SPATA17: variants seen among roughly 807,000 people sequenced by gnomAD.
SPATA17 encodes spermatogenesis associated 17, also known as spermatogenesis-associated protein 17.
A neutral mutation model predicts 62.2 loss-of-function variants in SPATA17; 53 were observed. The ratio of observed to expected loss-of-function variants is 0.85; its 90% CI spans 0.68 to 1.07. The LOEUF is 1.07. Ranked by LOEUF, SPATA17 falls within the 50% of genes least tolerant of loss-of-function variation. The probability of loss-of-function intolerance (pLI) is 0.00; values close to 1 mark genes in which losing one functional copy is unlikely to be tolerated. For missense variants in SPATA17, 466 were observed against 425.5 expected (o/e 1.10, Z -0.84); for synonymous variants, 146 against 146.8 (o/e 0.99, Z 0.04).
intron 3 of SPATA17, among the ~76,000 whole-genome samples, chr1:217,653,057 G>T (rs1278467194): frequency 6.6e-6 from 1 of 152,198 alleles, no homozygotes; most frequent in East Asian, 1.9e-4. Context: ...AGAGTAATAT[G>T]AGTGAGTGAT....
At chr1:217,689,942 C>T (rs1366717040) in intron 5 of SPATA17, among the ~76,000 whole-genome samples, 4 of 148,266 alleles carry the variant, frequency 2.7e-5, no homozygotes, top group African/African-American at 7.5e-5. Context: ...TTGCTCTTTT[C>T]GCCCAGGCTG....
chr1:217,859,551 G>A (rs1487502561), intron 9 of SPATA17, among the ~76,000 whole-genome samples: 3 of 151,952 alleles, frequency 2.0e-5, no homozygotes, highest in Admixed American at 2.0e-4. Flanking sequence ...GGGACTACAG[G>A]TGTACACCAC....
At chr1:217,849,875 C>G (rs1510261) in intron 9 of SPATA17, among the ~76,000 whole-genome samples, 152,043 of 152,248 alleles carry the variant, frequency 1, 75,921 homozygotes, top group East Asian at 1. Flanking sequence ...TAATGCCTGA[C>G]GGTTTCTGGG....
chr1:217,706,410 A>G (rs1482736582), intron 5 of SPATA17, among the ~76,000 whole-genome samples: 2 of 152,136 alleles, frequency 1.3e-5, no homozygotes, highest in African/African-American at 2.4e-5. Flanking sequence ...GGGACCTGTA[A>G]TCCCCATGTG....
intron 9 of SPATA17, among the ~76,000 whole-genome samples, chr1:217,859,108 T>A: frequency 6.8e-6 from 1 of 146,530 alleles, no homozygotes; most frequent in South Asian, 2.1e-4. Flanking sequence ...GAGAGAAATG[T>A]TTATATTATA....
chr1:217,696,268 G>A (rs941150571), intron 5 of SPATA17, among the ~76,000 whole-genome samples: 69 of 152,258 alleles, frequency 4.5e-4, no homozygotes, highest in African/African-American at 1.5e-3. Flanking sequence ...AGGTGCGTCC[G>A]TCACCCCTTT....
At chr1:217,800,402 C>T (rs1367623314) in intron 8 of SPATA17, among the ~76,000 whole-genome samples, 1 of 152,102 alleles carries the variant, frequency 6.6e-6, no homozygotes, top group African/African-American at 2.4e-5. Flanking sequence ...GGAAAGAGTT[C>T]AATGGCCAGT....
chr1:217,669,836 G>A (rs750637667), intron 4 of SPATA17, among the ~76,000 whole-genome samples: 34 of 152,104 alleles, frequency 2.2e-4, no homozygotes, highest in Non-Finnish European at 4.1e-4. Context: ...AAGTGCTGGG[G>A]TGAACCATAG....
chr1:217,632,040 G>A (rs1571691430), intron 1 of SPATA17, among the ~76,000 whole-genome samples: 1 of 152,066 alleles, frequency 6.6e-6, no homozygotes, highest in East Asian at 1.9e-4. Context: ...AAAACTAGCC[G>A]GGCATGGTGG....
chr1:217,716,360 G>A (rs530231904), intron 5 of SPATA17, among the ~76,000 whole-genome samples: 91 of 152,264 alleles, frequency 6.0e-4, no homozygotes, highest in Admixed American at 9.2e-4. Flanking sequence ...GCAACTTAGG[G>A]TAAAAATCTA....
intron 6 of SPATA17, among the ~76,000 whole-genome samples, chr1:217,754,494 G>A (rs968122253): frequency 6.6e-6 from 1 of 152,004 alleles, no homozygotes; most frequent in Non-Finnish European, 1.5e-5. Context: ...TTACTATTAT[G>A]GCTATTTTTC....
rs563799807 is a variant in SPATA17, at chr1:217,723,115, C to T, written c.396-18860C>T. ...CTGGTGTTGAGGCCAGAACTCCAGT[C>T]CACAGTCCATGTAATACTTCAAATT... On this transcript the variant is annotated intron_variant, in intron 5 of 10. Coordinates refer to ENST00000366933, the MANE Select transcript of SPATA17 (RefSeq NM_138796.4). 2.0e-4 allele frequency among the ~76,000 whole-genome samples: 30 copies of T among 152,276 alleles called. No homozygotes were observed. The South Asian group carries it at 6.2e-3, about 32-fold the overall frequency.
chr1:217,657,484 G>A (rs1670469907), intron 3 of SPATA17, among the ~76,000 whole-genome samples: 2 of 152,160 alleles, frequency 1.3e-5, no homozygotes, highest in Non-Finnish European at 1.5e-5. Flanking sequence ...ATGATCTGCT[G>A]TTTTCCTGGG....
At chr1:217,739,815 C>T (rs1016567891) in intron 5 of SPATA17, among the ~76,000 whole-genome samples, 3 of 152,142 alleles carry the variant, frequency 2.0e-5, no homozygotes, top group African/African-American at 7.2e-5. Context: ...TATATCCACA[C>T]ACACTCAAAT....
At chr1:217,859,723 A>T (rs2103015648) in intron 9 of SPATA17, among the ~76,000 whole-genome samples, 1 of 152,230 alleles carries the variant, frequency 6.6e-6, no homozygotes, top group East Asian at 1.9e-4. Flanking sequence ...TTATCTTTTT[A>T]ACACTCATAG....
rs1397125568 is a variant in SPATA17 at position 217,774,477 on chromosome 1, A to G, written c.663A>G (p.Thr221=). The part of the protein sequence containing the change: ...STSLTDWLAC[T]SARSFPRSEI... ...GCCTTACTGATTGGCTAGCTTGTAC[A>G]AGCGCCCGTTCTTTTCCTCGGTCTG... is the stretch of plus-strand genomic sequence containing the variant. The change falls in exon 7 of 11, where the codon ACA becomes ACG. Residue 221 remains threonine (T), a synonymous_variant. Transcript: ENST00000366933. 2.5e-6 allele frequency: 4 copies of G among 1,614,004 alleles called. No homozygotes were observed. The Admixed American group carries it at 5.0e-5, about 20-fold the overall frequency.
At chr1:217,684,329 G>T (rs932446567) in intron 5 of SPATA17, among the ~76,000 whole-genome samples, 2 of 152,130 alleles carry the variant, frequency 1.3e-5, no homozygotes, top group African/African-American at 4.8e-5. Flanking sequence ...TGATAAAAAA[G>T]AAATACTAAT....
intron 3 of SPATA17, 117 bp from the exon 4 acceptor site, chr1:217,668,916 A>T: frequency 1.1e-6 from 1 of 876,854 alleles, no homozygotes; most frequent in East Asian, 2.7e-5. Flanking sequence ...CATTTTTCTA[A>T]GGCTAGAACT....
intron 5 of SPATA17, among the ~76,000 whole-genome samples, chr1:217,711,281 C>T (rs1056917388): frequency 2.6e-5 from 4 of 152,082 alleles, no homozygotes; most frequent in African/African-American, 9.7e-5. Flanking sequence ...TTTTTCAATC[C>T]GCAGCCCCTT....
Sources: allele counts gnomAD v4.1 joint callset (sites outside exome capture counted in the v4.1 genomes callset), GRCh38; gene constraint gnomAD v4.1.1; transcripts MANE v1.5; gene names NCBI Gene and HGNC (gene_info 2026-07-23, HGNC 2026-07-21).